PDE1C: variants seen among roughly 807,000 people sequenced by gnomAD.
PDE1C encodes phosphodiesterase 1C, also known as dual specificity calcium/calmodulin-dependent 3',5'-cyclic nucleotide phosphodiesterase 1C.
PDE1C carries 62 observed loss-of-function variants against 93.1 expected under a neutral mutation model. The observed-to-expected ratio is 0.67, with a 90% CI of 0.54 to 0.82. The LOEUF (loss-of-function observed/expected upper bound fraction) is 0.82. PDE1C is among the 40% of genes least tolerant of loss of function. The pLI, the probability that PDE1C is intolerant of heterozygous loss-of-function variation, is 0.00. For synonymous variants in PDE1C, 325 were observed against 310.1 expected, an observed-to-expected ratio of 1.05 and a Z score of -0.50; for missense variants, 742 against 884.6, an observed-to-expected ratio of 0.84 and a Z score of 2.04.
chr7:31,645,573 G>T, the PDE1C span, among the ~76,000 whole-genome samples: 13 of 152,166 alleles, frequency 8.5e-5, no homozygotes, highest in Non-Finnish European at 1.6e-4. Context: ...GGTAACAGTA[G>T]GGTCGTCATC....
intron 2 of PDE1C, among the ~76,000 whole-genome samples, chr7:31,888,260 A>G (rs1419651659): frequency 1.3e-5 from 2 of 150,398 alleles, no homozygotes; most frequent in Non-Finnish European, 3.0e-5. Flanking sequence ...AAAAAAAAAA[A>G]AAAAAAAAAA....
At chr7:32,311,524 A>T (rs1783040620) in intron 1 of PDE1C, among the ~76,000 whole-genome samples, 1 of 152,206 alleles carries the variant, frequency 6.6e-6, no homozygotes, top group Non-Finnish European at 1.5e-5. Flanking sequence ...TGGCAAACCA[A>T]ATCCAGCAGC....
chr7:32,376,174 A>G (rs1000638085), intron 1 of PDE1C, among the ~76,000 whole-genome samples: 7 of 151,990 alleles, frequency 4.6e-5, no homozygotes, highest in Non-Finnish European at 7.4e-5. Flanking sequence ...GAAAGAAAGA[A>G]AGAAAGAAAA....
intron 2 of PDE1C, among the ~76,000 whole-genome samples, chr7:32,200,385 C>T (rs139102471): frequency 3.0e-3 from 456 of 152,270 alleles, no homozygotes; most frequent in Non-Finnish European, 4.1e-3. Context: ...TGTTCCTGGA[C>T]CTTTCAGGTA....
intron 1 of PDE1C, among the ~76,000 whole-genome samples, chr7:32,397,996 TA>T (rs1784867170): frequency 6.6e-6 from 1 of 151,518 alleles, no homozygotes; most frequent in Non-Finnish European, 1.5e-5. Flanking sequence ...CTACTAAAAA[TA>T]AAAAAATTAG....
intron 17 of PDE1C, among the ~76,000 whole-genome samples, chr7:31,767,589 C>T (rs565170339): frequency 6.6e-6 from 1 of 152,316 alleles, no homozygotes; most frequent in African/African-American, 2.4e-5. Flanking sequence ...TTATAAATTA[C>T]TCAGTCTCAG....
chr7:32,010,038 G>A (rs1786862513), intron 2 of PDE1C, among the ~76,000 whole-genome samples: 1 of 152,136 alleles, frequency 6.6e-6, no homozygotes, highest in African/African-American at 2.4e-5. Context: ...CTAAAATAAT[G>A]TTGAGATACA....
At chr7:31,909,336 C>G (rs1181053045) in intron 2 of PDE1C, among the ~76,000 whole-genome samples, 1 of 151,922 alleles carries the variant, frequency 6.6e-6, no homozygotes, top group East Asian at 1.9e-4. Flanking sequence ...TAATAAAGAC[C>G]CTCTTAGTCA....
At chr7:32,065,830 A>G (rs951390256) in intron 1 of PDE1C, among the ~76,000 whole-genome samples, 1 of 152,194 alleles carries the variant, frequency 6.6e-6, no homozygotes, top group East Asian at 1.9e-4. Flanking sequence ...CTGTACATCA[A>G]TAGGGTATTA....
chr7:32,282,827 A>G (rs1198908973), intron 1 of PDE1C, among the ~76,000 whole-genome samples: 1 of 151,834 alleles, frequency 6.6e-6, no homozygotes, highest in Non-Finnish European at 1.5e-5. Context: ...TGATCCGCCC[A>G]CCTCCGCCTC....
intron 1 of PDE1C, among the ~76,000 whole-genome samples, chr7:32,239,761 G>C (rs1215903641): frequency 2.6e-5 from 4 of 152,218 alleles, no homozygotes; most frequent in African/African-American, 9.6e-5. Flanking sequence ...ATTTGTAATT[G>C]TGACAATCAC....
chr7:32,030,444 A>C (rs1790161245), intron 2 of PDE1C, among the ~76,000 whole-genome samples: 2 of 152,226 alleles, frequency 1.3e-5, no homozygotes, highest in South Asian at 4.2e-4. Flanking sequence ...ATACAGAGAA[A>C]GTGTTTTCTT....
intron 1 of PDE1C, among the ~76,000 whole-genome samples, chr7:32,257,668 T>C (rs1809904609): frequency 6.6e-6 from 1 of 152,234 alleles, no homozygotes. Flanking sequence ...TAAGCAATCA[T>C]GAAACAGAAG....
intron 6 of PDE1C, among the ~76,000 whole-genome samples, chr7:31,868,416 T>G (rs1795546695): frequency 6.6e-6 from 1 of 151,998 alleles, no homozygotes; most frequent in Non-Finnish European, 1.5e-5. Flanking sequence ...CAAAATACAT[T>G]TGAAACCTTC....
intron 3 of PDE1C, among the ~76,000 whole-genome samples, chr7:32,091,419 T>C (rs1023173676): frequency 6.6e-6 from 1 of 152,090 alleles, no homozygotes; most frequent in Non-Finnish European, 1.5e-5. Flanking sequence ...ACTTGGAGTA[T>C]ATGGAGCAGG....
intron 2 of PDE1C, among the ~76,000 whole-genome samples, chr7:32,179,311 G>A (rs1803227007): frequency 1.4e-5 from 2 of 148,080 alleles, no homozygotes; most frequent in South Asian, 2.2e-4. Flanking sequence ...CCAGGCCGGA[G>A]TGCAGTGGCG....
chr7:31,998,137 A>G (rs570652485), intron 2 of PDE1C, among the ~76,000 whole-genome samples: 2 of 152,072 alleles, frequency 1.3e-5, no homozygotes, highest in South Asian at 4.2e-4. Flanking sequence ...CTCCTGTCTC[A>G]GCCTCCCGAG....
At chr7:32,093,278 A>C (rs1239071545) in intron 3 of PDE1C, among the ~76,000 whole-genome samples, 1 of 152,216 alleles carries the variant, frequency 6.6e-6, no homozygotes, top group African/African-American at 2.4e-5. Context: ...ACTGCAGAGC[A>C]TTAATCCCCA....
At chr7:31,761,309 G>A (rs976949744) in intron 17 of PDE1C, among the ~76,000 whole-genome samples, 1 of 152,092 alleles carries the variant, frequency 6.6e-6, no homozygotes, top group African/African-American at 2.4e-5. Context: ...TAACATTTAG[G>A]TATGTACCTG....
Sources: allele counts gnomAD v4.1 joint callset (sites outside exome capture counted in the v4.1 genomes callset), GRCh38; gene constraint gnomAD v4.1.1; transcripts MANE v1.5; gene names NCBI Gene and HGNC (gene_info 2026-07-23, HGNC 2026-07-21).